The following IFIT3 variants were observed in gnomAD, a reference collection of about 807,000 sequenced individuals.
IFIT3 encodes the protein interferon induced protein with tetratricopeptide repeats 3, also known as interferon-induced protein with tetratricopeptide repeats 3.
Under a neutral mutation model 2.4 loss-of-function variants are expected in IFIT3, and 2 were observed. The observed-to-expected ratio is 0.82, with a 90% CI of 0.34 to 2.60. IFIT3 has a LOEUF of 2.60. Among genes scored for constraint, IFIT3 ranks in the 30% most tolerant of loss-of-function variants. The probability of loss-of-function intolerance (pLI) is 0.11; values close to 1 mark genes in which losing one functional copy is unlikely to be tolerated. For synonymous variants in IFIT3, 203 were observed against 212.1 expected (o/e 0.96, Z 0.37); for missense variants, 481 against 562.4 (o/e 0.86, Z 1.46).
At chr10:89,331,455 G>C (rs7085361) in intron 1 of IFIT3, among the ~76,000 whole-genome samples, 37,700 of 151,984 alleles carry the variant, frequency 0.25, 4,955 homozygotes, top group African/African-American at 0.32. Context: ...TTACAGGCGT[G>C]AGCCTCCGTG....
rs1843857917 is a variant in IFIT3 at position 89,340,735 on chromosome 10, C to T, written c.*607C>T. On this transcript the variant is annotated 3_prime_UTR_variant, in exon 2 of 2. Coordinates refer to ENST00000371818, the MANE Select transcript of IFIT3 (RefSeq NM_001549.6). The stretch of plus-strand genomic sequence containing the variant: ...TCACAATATAACCACCATTCCTGCC[C>T]TCCCTGCCAAGGGTCATAAATGGTG... 6.6e-6 allele frequency: 1 copy of T among 152,156 alleles called. No homozygotes were observed. The highest frequency in any genetic ancestry group is 6.5e-5 in the Admixed American group (1 of 15,276). The allele number at this position is 152,156 out of a possible 1,614,324, so 9.4% of individuals were successfully genotyped here.
At position 89,339,356 on chromosome 10, in the gene IFIT3, T is replaced by G; in HGVS notation, c.701T>G (p.Leu234Trp). ...AEGEQFVEEALEKSPCQTDVL... is the reference protein window; with the variant it reads ...AEGEQFVEEAWEKSPCQTDVL... Reference sequence around the variant, plus strand: ...GGAGAGCAGTTTGTTGAAGAAGCCTTGGAAAAGTCTCCTTGCCAAACAGAT... The same window carrying G: ...GGAGAGCAGTTTGTTGAAGAAGCCTGGGAAAAGTCTCCTTGCCAAACAGAT... The change falls in exon 2 of 2, where the codon TTG becomes TGG. Residue 234 changes from leucine (L) to tryptophan (W), a missense_variant. Physicochemically the swap from Leu to Trp is moderately conservative, Grantham distance 61. Coordinates refer to ENST00000371818, the MANE Select transcript of IFIT3 (RefSeq NM_001549.6). 6 of 1,613,788 alleles carry G rather than the reference T, an allele frequency of 3.7e-6. No individual in the cohort carries two copies. The highest frequency in any genetic ancestry group is 5.1e-6 in the Non-Finnish European group (6 of 1,179,904).
At chr10:89,335,862 T>C (rs1426111701) in intron 1 of IFIT3, among the ~76,000 whole-genome samples, 1 of 152,256 alleles carries the variant, frequency 6.6e-6, no homozygotes, top group Non-Finnish European at 1.5e-5. Flanking sequence ...TAAGCAGAGT[T>C]GTTCAATTAT....
At chr10:89,336,234 G>A (rs1428815703) in intron 1 of IFIT3, among the ~76,000 whole-genome samples, 1 of 151,372 alleles carries the variant, frequency 6.6e-6, no homozygotes, top group East Asian at 1.9e-4. Flanking sequence ...AGGGAGGGAG[G>A]GAAAGAAGGA....
chr10:89,339,154 C>T lies in IFIT3; in HGVS notation c.499C>T (p.Pro167Ser). The T allele has an allele frequency of 1.2e-6, 2 of 1,614,030 alleles. No homozygotes were observed. Among genetic ancestry groups the T allele is most frequent in the Non-Finnish European group, 1.7e-6 (2 of 1,179,974 alleles). The change falls in exon 2 of 2, where the codon CCC becomes TCC. Residue 167 changes from proline to serine, a missense_variant. Physicochemically the swap from Pro to Ser is moderately conservative, Grantham distance 74 (BLOSUM62 -1). Coordinates refer to ENST00000371818, the MANE Select transcript of IFIT3 (RefSeq NM_001549.6). ...VCFEKALEEK[P>S]NNPEFSSGLA... ...TTTTGAGAAGGCTCTGGAAGAAAAG[C>T]CCAACAACCCAGAATTCTCCTCTGG... is the stretch of plus-strand genomic sequence containing the variant.
Position 89,339,196 on chromosome 10 carries a change from T to C in IFIT3, c.541T>C (p.Tyr181His), listed in dbSNP as rs1341298919. 2.5e-6 allele frequency: 4 copies of C among 1,614,086 alleles called. No individual in the cohort carries two copies. In the Admixed American group the frequency reaches 5.0e-5, roughly 20 times the overall value. ...EFSSGLAIAM[Y>H]HLDNHPEKQF... is the part of the protein sequence containing the mutation. Reference sequence around the variant, plus strand: ...CTCCTCTGGACTGGCAATTGCGATGTACCATCTGGATAATCACCCAGAGAA... The same window carrying C: ...CTCCTCTGGACTGGCAATTGCGATGCACCATCTGGATAATCACCCAGAGAA... The change falls in exon 2 of 2, where the codon TAC becomes CAC. Residue 181 changes from tyrosine to histidine, a missense_variant. Tyr to His is a moderately conservative substitution (Grantham distance 83, BLOSUM62 2). Coordinates refer to ENST00000371818, the MANE Select transcript of IFIT3 (RefSeq NM_001549.6).
chr10:89,338,575 A>C, intron 1 of IFIT3, 86 bp from the exon 2 acceptor site: 1 of 1,282,506 alleles, frequency 7.8e-7, no homozygotes, highest in Non-Finnish European at 1.1e-6. Context: ...CCTGTGGCCC[A>C]GTTCAATTGA....
At position 89,339,372 on chromosome 10, in the gene IFIT3, C is replaced by G. The variant is rs199752226; in HGVS notation, c.717C>G (p.Cys239Trp). The G allele has an allele frequency of 6.2e-7, 1 of 1,613,894 alleles. No individual in the cohort carries two copies. The highest frequency in any genetic ancestry group is 1.3e-5 in the African/African-American group (1 of 75,010). The change falls in exon 2 of 2, where the codon TGC (cysteine) becomes TGG (tryptophan). Residue 239 changes from cysteine (C) to tryptophan (W), a missense_variant. Transcript: ENST00000371818. ...AAGAAGCCTTGGAAAAGTCTCCTTG[C>G]CAAACAGATGTCCTCCGCAGTGCAG... ...FVEEALEKSP[C>W]QTDVLRSAAK...
intron 1 of IFIT3, chr10:89,335,624 A>G (rs1843725583): frequency 6.6e-6 from 1 of 151,682 alleles, no homozygotes; most frequent in Non-Finnish European, 1.5e-5. Context: ...AAATACATCC[A>G]ACAATACATC....
rs1843828817 is a variant in IFIT3, at chr10:89,339,851, A to G, written c.1196A>G (p.Lys399Arg). 3 of 1,614,208 alleles carry G rather than the reference A, an allele frequency of 1.9e-6. No individual in the cohort carries two copies. The highest frequency in any genetic ancestry group is 1.6e-4 in the Middle Eastern group (1 of 6,062). ...SKKSTDKEEI[K>R]DQPQNVSENL... ...AAATCAACTGACAAGGAAGAGATCA[A>G]AGACCAACCACAGAATGTATCTGAA... Residue 399 changes from lysine (K) to arginine (R), a missense_variant, in exon 2 of 2, where the codon AAA becomes AGA. By Grantham distance (26) the Lys-to-Arg change is conservative. Coordinates refer to ENST00000371818, the MANE Select transcript of IFIT3 (RefSeq NM_001549.6).
At chr10:89,330,737 T>A (rs2133541010) in intron 1 of IFIT3, among the ~76,000 whole-genome samples, 1 of 107,522 alleles carries the variant, frequency 9.3e-6, no homozygotes, top group East Asian at 4.6e-4. Context: ...TCCTGTGGTT[T>A]TCTTCCCTTC....
rs1477839131 is a variant in IFIT3 at position 89,339,976 on chromosome 10, G to A, written c.1321G>A (p.Glu441Lys). The A allele has an allele frequency of 6.2e-7, 1 of 1,614,208 alleles. No individual in the cohort carries two copies. Among genetic ancestry groups the A allele is most frequent in the South Asian group, 1.1e-5 (1 of 91,090 alleles). Residue 441 changes from glutamate to lysine, a missense_variant, in exon 2 of 2, where the codon GAA becomes AAA. Physicochemically the swap from Glu to Lys is moderately conservative, Grantham distance 56. Coordinates refer to ENST00000371818, the MANE Select transcript of IFIT3 (RefSeq NM_001549.6). ...LLQAAKCYEK[E>K]LGRLLRDAPS... Reference sequence around the variant, plus strand: ...GCAAGCAGCCAAATGTTATGAGAAGGAACTGGGCCGCCTGCTAAGGGATGC... The same window carrying A: ...GCAAGCAGCCAAATGTTATGAGAAGAAACTGGGCCGCCTGCTAAGGGATGC...
rs773444021 is a variant in IFIT3 at position 89,328,054 on chromosome 10, CAG to C, written c.-16_-15del. 1.9e-6 allele frequency: 3 copies of C among 1,613,834 alleles called. No homozygotes were observed. The highest frequency in any genetic ancestry group is 3.3e-5 in the Admixed American group (2 of 60,002). ...CCTGGTCACCAGCTTTTCGGAACAG[CAG>C]AGACACAGAGGGCAGTCATGAGGTC... On this transcript the variant is annotated 5_prime_UTR_variant, in exon 1 of 2. Coordinates refer to ENST00000371818, the MANE Select transcript of IFIT3 (RefSeq NM_001549.6).
chr10:89,338,027 G>T (rs1424795983), intron 1 of IFIT3, among the ~76,000 whole-genome samples: 1 of 152,112 alleles, frequency 6.6e-6, no homozygotes, highest in Non-Finnish European at 1.5e-5. Context: ...CTAATGTAAG[G>T]GTTCTGAGCA....
chr10:89,332,029 G>A (rs938392611), intron 1 of IFIT3, among the ~76,000 whole-genome samples: 2 of 152,026 alleles, frequency 1.3e-5, no homozygotes, highest in Non-Finnish European at 1.5e-5. Context: ...TCAGGAGTTC[G>A]AGAACAGCCT....
At chr10:89,336,287 A>G (rs1033371249) in intron 1 of IFIT3, among the ~76,000 whole-genome samples, 4 of 152,130 alleles carry the variant, frequency 2.6e-5, no homozygotes, top group Non-Finnish European at 1.5e-5. Context: ...GAAGATATTG[A>G]CACTGGAACC....
chr10:89,337,531 C>T (rs1396531620), intron 1 of IFIT3, among the ~76,000 whole-genome samples: 2 of 152,192 alleles, frequency 1.3e-5, no homozygotes, highest in East Asian at 1.9e-4. Flanking sequence ...TCCCGAATGG[C>T]GAGGACTACA....
chr10:89,332,496 T>A, intron 1 of IFIT3: 1 of 1,571,054 alleles, frequency 6.4e-7, no homozygotes, highest in South Asian at 1.2e-5. Flanking sequence ...TCCTTTCCCC[T>A]TTCATAAAAG....
intron 1 of IFIT3, among the ~76,000 whole-genome samples, chr10:89,333,730 G>A (rs1398260930): frequency 6.6e-6 from 1 of 152,206 alleles, no homozygotes; most frequent in African/African-American, 2.4e-5. Context: ...TTAAGTATGA[G>A]AAACTGGTGA....
Sources: gnomAD v4.1 joint callset for allele counts (sites outside exome capture counted in the v4.1 genomes callset) on GRCh38, gnomAD v4.1.1 for gene constraint, MANE v1.5 for transcripts, NCBI Gene and HGNC (gene_info 2026-07-23, HGNC 2026-07-21) for gene names.